The following LMTK3 variants were observed in gnomAD, a reference collection of about 807,000 sequenced individuals.
The protein encoded by LMTK3 is serine/threonine-protein kinase LMTK3.
LMTK3 carries 27 observed loss-of-function variants against 116.7 expected under a neutral mutation model. That is an observed-to-expected ratio of 0.23 (90% CI 0.17 to 0.32). LMTK3 has a LOEUF of 0.32. LMTK3 is among the 10% of genes least tolerant of loss of function. The pLI is 1.00. For synonymous variants in LMTK3, 965 were observed against 971.0 expected (o/e 0.99, Z 0.11); for missense variants, 1,764 against 2,068.5 (o/e 0.85, Z 2.86).
Position 48,493,816 on chromosome 19 carries a change from G to C in LMTK3, c.3970C>G (p.Arg1324Gly). ...VVSSADADAARPLRGLLKSPR... is the reference protein window; with the variant it reads ...VVSSADADAAGPLRGLLKSPR... ...GACTTGAGCAGCCCCCGCAGCGGGC[G>C]GGCCGCGTCCGCGTCGGCGCTGCTC... Residue 1324 changes from arginine to glycine, a missense_variant, in exon 12 of 15, where the codon CGC (arginine) becomes GGC (glycine). Coordinates refer to ENST00000600059, the MANE Select transcript of LMTK3 (RefSeq NM_001388485.1). 6.6e-7 allele frequency: 1 copy of C among 1,504,082 alleles called. No homozygotes were observed. The highest frequency in any genetic ancestry group is 8.9e-7 in the Non-Finnish European group (1 of 1,126,896). 93.2% of individuals were successfully genotyped at this position (1,504,082 alleles called of 1,614,324 possible). A position where few individuals can be genotyped will look rare whatever the true frequency, so the allele number is the denominator to read the frequency against.
At chr19:48,492,621 A>G (rs564469440) in intron 12 of LMTK3, among the ~76,000 whole-genome samples, 1 of 152,182 alleles carries the variant, frequency 6.6e-6, no homozygotes, top group Non-Finnish European at 1.5e-5. Context: ...CAGCCTAGCC[A>G]TGGCCCTTCC....
At position 48,485,646 on chromosome 19, in the gene LMTK3, G is replaced by A; in HGVS notation, c.*127C>T. 1 of 1,044,884 alleles carries A rather than the reference G, an allele frequency of 9.6e-7. No individual in the cohort carries two copies. Among genetic ancestry groups the A allele is most frequent in the Non-Finnish European group, 1.4e-6 (1 of 699,482 alleles). The allele number at this position is 1,044,884 out of a possible 1,614,324, so 64.7% of individuals were successfully genotyped here. A position where few individuals can be genotyped will look rare whatever the true frequency, so the allele number is the denominator to read the frequency against. On this transcript the variant is annotated 3_prime_UTR_variant, in exon 15 of 15. Coordinates refer to ENST00000600059, the MANE Select transcript of LMTK3 (RefSeq NM_001388485.1). ...GCACATGGTAGGGGAGTGGGAGGGG[G>A]AGGGCCCAGCCTCGGGGGCCTCCCC...
At position 48,500,128 on chromosome 19, in the gene LMTK3, G is replaced by C. The variant is rs926934107; in HGVS notation, c.1152-211C>G. Reference sequence around the variant, plus strand: ...AGACAGAGGGACAGAGACCCAGAGAGAGAGGGACAGAGATCCAGGCGTGGT... The same window carrying C: ...AGACAGAGGGACAGAGACCCAGAGACAGAGGGACAGAGATCCAGGCGTGGT... On this transcript the variant is annotated intron_variant, in intron 10 of 14. Coordinates refer to ENST00000600059, the MANE Select transcript of LMTK3 (RefSeq NM_001388485.1). The surrounding 1 kb of genome is among the most constrained non-coding windows in gnomAD (Gnocchi z 4.0). 6.6e-6 allele frequency among the ~76,000 whole-genome samples: 1 copy of C among 151,572 alleles called. No individual in the cohort carries two copies. The highest frequency in any genetic ancestry group is 1.5e-5 in the Non-Finnish European group (1 of 67,926).
At chr19:48,509,037 A>C (rs1465445310) in intron 4 of LMTK3, 68 bp from the exon 5 acceptor site, 1 of 1,014,282 alleles carries the variant, frequency 9.9e-7, no homozygotes. Context: ...GACCAGCTCC[A>C]CTCCACCACA....
chr19:48,488,200 C>G (rs988520432), intron 14 of LMTK3, among the ~76,000 whole-genome samples: 1 of 152,168 alleles, frequency 6.6e-6, no homozygotes, highest in African/African-American at 2.4e-5. Flanking sequence ...AATGCACCCC[C>G]ACCCTGTCCT....
intron 14 of LMTK3, among the ~76,000 whole-genome samples, chr19:48,489,018 C>T (rs1291376449): frequency 1.3e-5 from 2 of 152,262 alleles, no homozygotes; most frequent in African/African-American, 2.4e-5. Context: ...GGCTTACAGG[C>T]GTAAGCCACT....
Position 48,485,554 on chromosome 19 carries a change from G to T in LMTK3, c.*219C>A. 1.8e-6 allele frequency: 1 copy of T among 567,938 alleles called. No homozygotes were observed. Among genetic ancestry groups the T allele is most frequent in the Non-Finnish European group, 3.1e-6 (1 of 318,716 alleles). 35.2% of individuals were successfully genotyped at this position (567,938 alleles called of 1,614,324 possible). ...GGATTCCTGCCTCATTTGGCTCCGA[G>T]GGGGTCAGGGGGGTCAGGGGAGCCA... On this transcript the variant is annotated 3_prime_UTR_variant, in exon 15 of 15. Coordinates refer to ENST00000600059, the MANE Select transcript of LMTK3 (RefSeq NM_001388485.1).
Position 48,502,537 on chromosome 19 carries a change from G to A in LMTK3, c.690C>T (p.Gly230=), listed in dbSNP as rs774310031. ...CTCGAGGGGGTAGCTCAGGGGACAG[G>A]CCCTCGGGGGGCCGCTGGGCTCGGA... ...RYLRAQRPPE[G]LSPELPPRDL... Residue 230 remains glycine, a synonymous_variant, in exon 7 of 15, where the codon GGC becomes GGT. Transcript: ENST00000600059. 6.9e-6 allele frequency: 11 copies of A among 1,589,556 alleles called. No individual in the cohort carries two copies. The highest frequency in any genetic ancestry group is 9.4e-6 in the Non-Finnish European group (11 of 1,169,222).
chr19:48,496,895 G>C (rs991155306), intron 11 of LMTK3, among the ~76,000 whole-genome samples: 1 of 152,202 alleles, frequency 6.6e-6, no homozygotes, highest in Non-Finnish European at 1.5e-5. Flanking sequence ...TAGCAGATTC[G>C]CCAACACCAG....
At chr19:48,493,254 C>T (rs892746860) in intron 12 of LMTK3, among the ~76,000 whole-genome samples, 1 of 146,126 alleles carries the variant, frequency 6.8e-6, no homozygotes, top group African/African-American at 2.5e-5. Flanking sequence ...CCACCCTAAG[C>T]TCAGCCTTCG....
In LMTK3 at chr19:48,499,110, G is replaced by A; in HGVS notation, c.1959C>T (p.Asp653=). ...TTGGGCCACCTCCAAGGCTGCTGCT[G>A]TCTTCCCCTGGGGAGCTGCCCTCCT... ...EEEEGSSPGE[D]SSSLGGGPSR... Residue 653 remains aspartate (D), a synonymous_variant, in exon 11 of 15, where the codon GAC becomes GAT. Transcript: ENST00000600059. 1 of 1,558,996 alleles carries A rather than the reference G, an allele frequency of 6.4e-7. No individual in the cohort carries two copies. The highest frequency in any genetic ancestry group is 8.6e-7 in the Non-Finnish European group (1 of 1,157,190).
In LMTK3 at chr19:48,491,037, C is replaced by T; in HGVS notation, c.4366+71G>A. 1 of 1,014,730 alleles carries T rather than the reference C, an allele frequency of 9.9e-7. No homozygotes were observed. The highest frequency in any genetic ancestry group is 1.3e-6 in the Non-Finnish European group (1 of 775,266). 62.9% of individuals were successfully genotyped at this position (1,014,730 alleles called of 1,614,324 possible). A position where few individuals can be genotyped will look rare whatever the true frequency, so the allele number is the denominator to read the frequency against. On this transcript the variant is annotated intron_variant, in intron 14 of 14. Coordinates refer to ENST00000600059, the MANE Select transcript of LMTK3 (RefSeq NM_001388485.1). The surrounding 1 kb of genome is among the most constrained non-coding windows in gnomAD (Gnocchi z 5.1). ...AGGCAGGGACATTGAAAGATGGTCA[C>T]AAGAAGTTGGCAGTGGAACATAGGG...
Position 48,502,524 on chromosome 19 carries a change from G to A in LMTK3, c.703C>T (p.Leu235=). Residue 235 remains leucine, a synonymous_variant, in exon 7 of 15, where the codon CTA becomes TTA. Coordinates refer to ENST00000600059, the MANE Select transcript of LMTK3 (RefSeq NM_001388485.1). Reference sequence around the variant, plus strand: ...AGCGTCCGCAGGTCTCGAGGGGGTAGCTCAGGGGACAGGCCCTCGGGGGGC... The same window carrying A: ...AGCGTCCGCAGGTCTCGAGGGGGTAACTCAGGGGACAGGCCCTCGGGGGGC... The part of the protein sequence containing the change: ...QRPPEGLSPE[L]PPRDLRTLQR... 1 of 1,604,736 alleles carries A rather than the reference G, an allele frequency of 6.2e-7. No homozygotes were observed. Among genetic ancestry groups the A allele is most frequent in the Non-Finnish European group, 8.5e-7 (1 of 1,176,364 alleles).
chr19:48,500,163 C>T lies in LMTK3; in HGVS notation c.1152-246G>A, dbSNP rs1972437800. Among the ~76,000 whole-genome samples the T allele has an allele frequency of 6.6e-6, 1 of 150,468 alleles. No homozygotes were observed. The highest frequency in any genetic ancestry group is 1.5e-5 in the Non-Finnish European group (1 of 67,720). On this transcript the variant is annotated intron_variant, in intron 10 of 14. Transcript: ENST00000600059. This position sits in a 1 kb window ranked among gnomAD's most constrained non-coding sequence, Gnocchi z 4.0. Reference sequence around the variant, plus strand: ...GAGATCCAGGCGTGGTGGCTCACGCCTGTAATCCCAGCACTTTGGGAGGCT... The same window carrying T: ...GAGATCCAGGCGTGGTGGCTCACGCTTGTAATCCCAGCACTTTGGGAGGCT...
chr19:48,495,258 C>T lies in LMTK3; in HGVS notation c.3677-1149G>A, dbSNP rs190118832. On this transcript the variant is annotated intron_variant, in intron 11 of 14. Coordinates refer to ENST00000600059, the MANE Select transcript of LMTK3 (RefSeq NM_001388485.1). The stretch of plus-strand genomic sequence containing the variant: ...CTCCTGACCTCAGGCGATCCTCCCA[C>T]CTCGGCCTCCCAAAGTGCTGGGATT... 5.0e-3 allele frequency among the ~76,000 whole-genome samples: 758 copies of T among 152,266 alleles called. 6 individuals carry two copies. The highest frequency in any genetic ancestry group is 0.014 in the Middle Eastern group (4 of 294).
chr19:48,492,905 C>T (rs1972250687), intron 12 of LMTK3, among the ~76,000 whole-genome samples: 1 of 151,756 alleles, frequency 6.6e-6, no homozygotes, highest in African/African-American at 2.4e-5. Context: ...GCTCTAGGCT[C>T]GGCCCATACT....
intron 5 of LMTK3, among the ~76,000 whole-genome samples, chr19:48,503,828 T>TCCC (rs1972516737): frequency 1.3e-5 from 2 of 151,746 alleles, no homozygotes; most frequent in African/African-American, 4.8e-5. Context: ...CCTTCCTTGC[T>TCCC]TCCTCCCTCC....
intron 4 of LMTK3, 128 bp downstream of exon 4, chr19:48,509,309 G>C: frequency 3.7e-6 from 3 of 801,160 alleles, no homozygotes; most frequent in East Asian, 5.4e-5. Context: ...AGGGGGGATG[G>C]GAGGCTGAGG....
rs1345959582 is a variant in LMTK3 at position 48,497,651 on chromosome 19, T to C, written c.3418A>G (p.Asn1140Asp). The C allele has an allele frequency of 7.6e-7, 1 of 1,313,192 alleles. No homozygotes were observed. The highest frequency in any genetic ancestry group is 1.5e-5 in the African/African-American group (1 of 64,718). The allele number at this position is 1,313,192 out of a possible 1,614,324, so 81.3% of individuals were successfully genotyped here. ...GGCGGCGGTGGCTGCGGCCTCGTGT[T>C]GTCTACCCATCCGGCCTTTGCGTCC... The part of the protein sequence containing the change: ...GVDAKAGWVD[N>D]TRPQPPPPPL... Residue 1140 changes from asparagine (N) to aspartate (D), a missense_variant, in exon 11 of 15, where the codon AAC becomes GAC. Coordinates refer to ENST00000600059, the MANE Select transcript of LMTK3 (RefSeq NM_001388485.1). The surrounding 1 kb of genome is among the most constrained non-coding windows in gnomAD (Gnocchi z 5.7).
Sources: gnomAD v4.1 joint callset for allele counts (sites outside exome capture counted in the v4.1 genomes callset) on GRCh38, gnomAD v4.1.1 for gene constraint, Gnocchi (gnomAD v3.1) non-coding constraint, MANE v1.5 for transcripts, NCBI Gene and HGNC (gene_info 2026-07-23, HGNC 2026-07-21) for gene names.